PKP4: variants seen among roughly 807,000 people sequenced by gnomAD.
PKP4 encodes the protein plakophilin 4.
A neutral mutation model predicts 145.1 loss-of-function variants in PKP4; 90 were observed. The ratio of observed to expected loss-of-function variants is 0.62; its 90% CI spans 0.52 to 0.74. PKP4 has a LOEUF of 0.74. Ranked by LOEUF, PKP4 falls within the 30% of genes least tolerant of loss-of-function variation. The pLI is 0.00. For synonymous variants in PKP4, 563 were observed against 577.2 expected (o/e 0.98, Z 0.35); for missense variants, 1,340 against 1,482.7 (o/e 0.90, Z 1.58).
At chr2:158,640,360 T>A (rs754193954) in intron 9 of PKP4, among the ~76,000 whole-genome samples, 3 of 152,134 alleles carry the variant, frequency 2.0e-5, no homozygotes, top group Admixed American at 2.0e-4. Flanking sequence ...AACACGAGAG[T>A]GGAAGTTACT....
intron 3 of PKP4, among the ~76,000 whole-genome samples, chr2:158,581,458 G>T (rs755131433): frequency 2.0e-5 from 3 of 152,148 alleles, no homozygotes; most frequent in African/African-American, 7.2e-5. Context: ...AAAGGAAAAC[G>T]AAAAGCATTT....
intron 1 of PKP4, among the ~76,000 whole-genome samples, chr2:158,495,554 G>A (rs1347904993): frequency 1.3e-5 from 2 of 152,010 alleles, no homozygotes; most frequent in Non-Finnish European, 2.9e-5. Context: ...AAAAAGGAGT[G>A]TCCGGGTGCC....
At chr2:158,551,278 G>T (rs1045108042) in intron 2 of PKP4, among the ~76,000 whole-genome samples, 4 of 152,150 alleles carry the variant, frequency 2.6e-5, no homozygotes, top group Admixed American at 2.6e-4. Context: ...TTGCCTCTAG[G>T]TTGTTAGAGA....
chr2:158,504,173 A>G, intron 1 of PKP4, among the ~76,000 whole-genome samples: 1 of 152,168 alleles, frequency 6.6e-6, no homozygotes, highest in Non-Finnish European at 1.5e-5. Context: ...TAAATGACCA[A>G]TGTACATTTG....
chr2:158,655,948 G>A (rs1365589217), intron 11 of PKP4, among the ~76,000 whole-genome samples: 1 of 152,192 alleles, frequency 6.6e-6, no homozygotes, highest in Non-Finnish European at 1.5e-5. Context: ...ACCCAACTCT[G>A]TCTTCTGTTT....
In PKP4 at chr2:158,522,378, T is replaced by C. The variant is rs560285049; in HGVS notation, c.-5-10802T>C. Among the ~76,000 whole-genome samples the C allele has an allele frequency of 3.3e-5, 5 of 152,336 alleles. No homozygotes were observed. In the East Asian group the frequency reaches 9.6e-4, roughly 29 times the overall value. ...CCTTCAGAAGTCATACTAGAGTATA[T>C]GTGGTCTGCAGCCTTGAGCAGAAAA... On this transcript the variant is annotated intron_variant, in intron 1 of 21. Transcript: ENST00000389759.
chr2:158,620,665 C>A (rs1185343658), intron 4 of PKP4, among the ~76,000 whole-genome samples: 2 of 152,188 alleles, frequency 1.3e-5, no homozygotes, highest in African/African-American at 4.8e-5. Flanking sequence ...GGTCTCCATT[C>A]TCAGTCTTTT....
intron 2 of PKP4, among the ~76,000 whole-genome samples, chr2:158,570,538 G>C (rs1259647900): frequency 2.0e-5 from 3 of 152,150 alleles, no homozygotes; most frequent in Non-Finnish European, 4.4e-5. Flanking sequence ...AACAACAATT[G>C]AAATAAAAAT....
At chr2:158,483,005 T>C (rs1392978265) in intron 1 of PKP4, among the ~76,000 whole-genome samples, 1 of 152,210 alleles carries the variant, frequency 6.6e-6, no homozygotes, top group Non-Finnish European at 1.5e-5. Flanking sequence ...GTGGAAATAC[T>C]GAATATTTAT....
intron 6 of PKP4, among the ~76,000 whole-genome samples, chr2:158,623,688 A>G (rs2052483070): frequency 6.6e-6 from 1 of 152,130 alleles, no homozygotes; most frequent in African/African-American, 2.4e-5. Flanking sequence ...CAGAGCAGAC[A>G]TCCTCATATG....
At chr2:158,638,679 A>G (rs2054015269) in intron 9 of PKP4, among the ~76,000 whole-genome samples, 1 of 152,208 alleles carries the variant, frequency 6.6e-6, no homozygotes, top group African/African-American at 2.4e-5. Context: ...CAGAGAGAAC[A>G]TGTAGGAAAC....
chr2:158,628,202 A>G (rs1389577658), intron 7 of PKP4, among the ~76,000 whole-genome samples: 1 of 151,896 alleles, frequency 6.6e-6, no homozygotes, highest in Non-Finnish European at 1.5e-5. Flanking sequence ...GATGTTCTCG[A>G]TCTCTTGACC....
intron 1 of PKP4, among the ~76,000 whole-genome samples, chr2:158,458,915 C>G (rs1404759036): frequency 3.3e-5 from 5 of 149,812 alleles, no homozygotes. Context: ...AGTTTTTTCT[C>G]TTTGTTACTG....
At chr2:158,566,980 G>T (rs1396860111) in intron 2 of PKP4, among the ~76,000 whole-genome samples, 2 of 152,186 alleles carry the variant, frequency 1.3e-5, no homozygotes, top group Non-Finnish European at 2.9e-5. Flanking sequence ...GCATGCTAAG[G>T]CTGGAAACTC....
At chr2:158,504,343 T>TG (rs1032348178) in intron 1 of PKP4, among the ~76,000 whole-genome samples, 2 of 152,180 alleles carry the variant, frequency 1.3e-5, no homozygotes, top group African/African-American at 4.8e-5. Context: ...AATGAACAAA[T>TG]GAACAATTGT....
chr2:158,507,059 G>T (rs2041049299), intron 1 of PKP4, among the ~76,000 whole-genome samples: 1 of 152,212 alleles, frequency 6.6e-6, no homozygotes, highest in Non-Finnish European at 1.5e-5. Context: ...CATAAAGCCT[G>T]TTCCATCCAG....
chr2:158,541,497 T>C (rs1448954257), intron 2 of PKP4, among the ~76,000 whole-genome samples: 1 of 152,128 alleles, frequency 6.6e-6, no homozygotes, highest in African/African-American at 2.4e-5. Context: ...ACCTTAATAA[T>C]GTAGGAGTTA....
At chr2:158,639,053 A>C (rs1312051191) in intron 9 of PKP4, among the ~76,000 whole-genome samples, 2 of 152,134 alleles carry the variant, frequency 1.3e-5, no homozygotes, top group Admixed American at 6.5e-5. Context: ...ACTAATTACT[A>C]ATCCTGAGTT....
At position 158,669,599 on chromosome 2, in the gene PKP4, C is replaced by A. The variant is rs184725583; in HGVS notation, c.2729-121C>A. 1.8e-3 allele frequency: 1,246 copies of A among 693,468 alleles called. 9 individuals carry two copies. The highest frequency in any genetic ancestry group is 2.9e-3 in the African/African-American group (158 of 55,418). The allele number at this position is 693,468 out of a possible 1,614,324, so 43.0% of individuals were successfully genotyped here. ...CTTTGCCATGGGTTTTGATTTTTTC[C>A]CCTATTATTGTCTCTTTGGGGGTTT... On this transcript the variant is annotated intron_variant, in intron 16 of 21. Coordinates refer to ENST00000389759, the MANE Select transcript of PKP4 (RefSeq NM_003628.6).
Sources: allele counts gnomAD v4.1 joint callset (sites outside exome capture counted in the v4.1 genomes callset), GRCh38; gene constraint gnomAD v4.1.1; transcripts MANE v1.5; gene names NCBI Gene and HGNC (gene_info 2026-07-23, HGNC 2026-07-21).